The following PAQR5 variants were observed in gnomAD, a reference collection of about 807,000 sequenced individuals.
PAQR5 encodes membrane progestin receptor gamma.
PAQR5 carries 20 observed loss-of-function variants against 34.5 expected under a neutral mutation model. The ratio of observed to expected loss-of-function variants is 0.58; its 90% confidence interval spans 0.41 to 0.84. The LOEUF (loss-of-function observed/expected upper bound fraction) is 0.84. Among genes scored for constraint, PAQR5 ranks in the 40% least tolerant of loss-of-function variants. PAQR5 has a pLI of 0.00. For synonymous variants in PAQR5, 131 were observed against 155.6 expected (o/e 0.84, Z 1.18); for missense variants, 378 against 412.7 (o/e 0.92, Z 0.73).
chr15:69,333,130 A>AT (rs952242564), intron 1 of PAQR5, among the ~76,000 whole-genome samples: 153 of 150,170 alleles, frequency 1.0e-3, no homozygotes, highest in African/African-American at 3.3e-3. Flanking sequence ...ATTTTTTTCC[A>AT]TTTTTTTTTA....
Position 69,322,590 on chromosome 15 carries a change from G to A in PAQR5, c.-276-14751G>A, listed in dbSNP as rs549765124. On this transcript the variant is annotated intron_variant, in intron 1 of 8. Coordinates refer to ENST00000395407, the MANE Select transcript of PAQR5 (RefSeq NM_017705.4). Reference sequence around the variant, plus strand: ...GGATCATTTCAGCCTAGGAGGTCGAGGCTGCAGTGAGCTGTGTTTGTACCA... The same window carrying A: ...GGATCATTTCAGCCTAGGAGGTCGAAGCTGCAGTGAGCTGTGTTTGTACCA... 2.0e-4 allele frequency among the ~76,000 whole-genome samples: 29 copies of A among 142,026 alleles called. 2 individuals carry two copies. The South Asian group carries it at 6.3e-3, about 31-fold the overall frequency. The allele number at this position is 142,026 out of a possible 152,430, so 93.2% of individuals were successfully genotyped here. A position where few individuals can be genotyped will look rare whatever the true frequency, so the allele number is the denominator to read the frequency against.
At chr15:69,353,732 A>T (rs2140805107) in intron 2 of PAQR5, among the ~76,000 whole-genome samples, 1 of 152,322 alleles carries the variant, frequency 6.6e-6, no homozygotes, top group Non-Finnish European at 1.5e-5. Context: ...ACTCACCCTT[A>T]TCCCTAGTGA....
chr15:69,400,125 C>A lies in PAQR5; in HGVS notation c.751+10C>A. 1 of 1,609,682 alleles carries A rather than the reference C, an allele frequency of 6.2e-7. No individual in the cohort carries two copies. On this transcript the variant is annotated intron_variant, in intron 8 of 8. Transcript: ENST00000395407. ...CGCTTTGACTACATCGGTGAGTGGG[C>A]AACAGCCCTGCTGCTCTGCTCATTG... is the stretch of plus-strand genomic sequence containing the variant.
intron 2 of PAQR5, among the ~76,000 whole-genome samples, chr15:69,357,808 TAAAAAC>T (rs1299792769): frequency 6.6e-6 from 1 of 151,986 alleles, no homozygotes; most frequent in East Asian, 1.9e-4. Flanking sequence ...ACCACAAAAA[TAAAAAC>T]AAAACAACTT....
At chr15:69,354,710 T>TG (rs1192747857) in intron 2 of PAQR5, among the ~76,000 whole-genome samples, 3 of 152,180 alleles carry the variant, frequency 2.0e-5, no homozygotes, top group Non-Finnish European at 4.4e-5. Context: ...CCTAGAGAAC[T>TG]GCTAAGCGTG....
chr15:69,333,984 C>T (rs1374105684), intron 1 of PAQR5, among the ~76,000 whole-genome samples: 7 of 152,074 alleles, frequency 4.6e-5, no homozygotes, highest in Admixed American at 4.6e-4. Context: ...AACCGTAATA[C>T]CTTTTTGTTC....
At chr15:69,376,406 A>G (rs577048956) in intron 3 of PAQR5, among the ~76,000 whole-genome samples, 23 of 152,350 alleles carry the variant, frequency 1.5e-4, no homozygotes, top group African/African-American at 5.3e-4. Flanking sequence ...TGCTAAGGCT[A>G]GAGTGGGAAG....
intron 6 of PAQR5, among the ~76,000 whole-genome samples, chr15:69,393,280 CCT>C (rs10534356): frequency 0.077 from 11,741 of 152,124 alleles, 824 homozygotes; most frequent in East Asian, 0.18. Context: ...CTCTTCATTC[CCT>C]GTCTCTGCCT....
chr15:69,359,348 G>A (rs1018815517), intron 2 of PAQR5, among the ~76,000 whole-genome samples: 2 of 152,122 alleles, frequency 1.3e-5, no homozygotes, highest in African/African-American at 2.4e-5. Flanking sequence ...CTCAGACACC[G>A]AGTTAAAGAC....
At chr15:69,372,578 C>G (rs912557315) in intron 3 of PAQR5, among the ~76,000 whole-genome samples, 2 of 152,132 alleles carry the variant, frequency 1.3e-5, no homozygotes, top group Admixed American at 1.3e-4. Flanking sequence ...CATTCTTATG[C>G]TTGACTGAAT....
chr15:69,305,785 T>C (rs2140521482), intron 1 of PAQR5, among the ~76,000 whole-genome samples: 1 of 152,296 alleles, frequency 6.6e-6, no homozygotes, highest in East Asian at 1.9e-4. Context: ...TGGGTTTTAT[T>C]TTGTTTATTC....
At chr15:69,313,885 G>A (rs1390294413) in intron 1 of PAQR5, among the ~76,000 whole-genome samples, 1 of 152,100 alleles carries the variant, frequency 6.6e-6, no homozygotes, top group Non-Finnish European at 1.5e-5. Flanking sequence ...CTGCCAGCTG[G>A]GGAGTCCTGG....
At chr15:69,325,437 C>T (rs1278768389) in intron 1 of PAQR5, among the ~76,000 whole-genome samples, 1 of 152,142 alleles carries the variant, frequency 6.6e-6, no homozygotes. Context: ...CACTGCTTTA[C>T]TATTAGATGT....
chr15:69,371,666 C>T (rs1362492983), intron 3 of PAQR5, among the ~76,000 whole-genome samples: 1 of 152,014 alleles, frequency 6.6e-6, no homozygotes, highest in African/African-American at 2.4e-5. Context: ...TTTTTGTTTC[C>T]TTTTTTGGAT....
At chr15:69,316,825 T>C (rs1239175828) in intron 1 of PAQR5, among the ~76,000 whole-genome samples, 1 of 152,122 alleles carries the variant, frequency 6.6e-6, no homozygotes, top group East Asian at 1.9e-4. Context: ...GGGGTTTATT[T>C]ATTTATTTAT....
chr15:69,362,646 G>C lies in PAQR5; in HGVS notation c.51+2515G>C, dbSNP rs190269960. Among the ~76,000 whole-genome samples, 5 of 152,308 alleles carry C rather than the reference G, an allele frequency of 3.3e-5. No individual in the cohort carries two copies. In the East Asian group the frequency reaches 9.6e-4, roughly 29 times the overall value. ...TAAAATGGGAATGACAACAGTATCTGCCTCCTGGGGTTGTGAGAATTAAAT... is the reference window on the plus strand; with the variant it reads ...TAAAATGGGAATGACAACAGTATCTCCCTCCTGGGGTTGTGAGAATTAAAT... On this transcript the variant is annotated intron_variant, in intron 3 of 8. Transcript: ENST00000395407.
chr15:69,392,708 T>C lies in PAQR5; in HGVS notation c.512+2928T>C, dbSNP rs542779716. Among the ~76,000 whole-genome samples the C allele has an allele frequency of 2.5e-3, 377 of 152,178 alleles. 1 individual carries two copies. Among genetic ancestry groups the C allele is most frequent in the African/African-American group, 8.7e-3 (361 of 41,510 alleles). On this transcript the variant is annotated intron_variant, in intron 6 of 8. Transcript: ENST00000395407. ...GAGGGAGTGTAATGTAAACAAATAA[T>C]GATAAGGCAGAATGACACCTGCCGG...
intron 3 of PAQR5, among the ~76,000 whole-genome samples, chr15:69,365,898 G>C (rs2055390221): frequency 6.6e-6 from 1 of 152,136 alleles, no homozygotes; most frequent in Non-Finnish European, 1.5e-5. Context: ...GGAACAACTT[G>C]GCCCTACAGC....
chr15:69,334,558 T>A lies in PAQR5; in HGVS notation c.-276-2783T>A, dbSNP rs1230433954. 3.3e-5 allele frequency among the ~76,000 whole-genome samples: 5 copies of A among 152,188 alleles called. No homozygotes were observed. In the South Asian group the frequency reaches 1.0e-3, roughly 31 times the overall value. On this transcript the variant is annotated intron_variant, in intron 1 of 8. Coordinates refer to ENST00000395407, the MANE Select transcript of PAQR5 (RefSeq NM_017705.4). ...CGCCAGCTATGCTAAGAGTCAGACC[T>A]TATCTTCATTTCTGATTGATGTCCT...
Sources: allele counts gnomAD v4.1 joint callset (sites outside exome capture counted in the v4.1 genomes callset), GRCh38; gene constraint gnomAD v4.1.1; transcripts MANE v1.5; gene names NCBI Gene and HGNC (gene_info 2026-07-23, HGNC 2026-07-21).